Variants in CAMKMT observed in about 807,000 individuals in gnomAD.
The protein encoded by CAMKMT is CaM KMT.
In CAMKMT, 53 loss-of-function variants were observed where a neutral mutation model predicts 48.0. The ratio of observed to expected loss-of-function variants is 1.10; its 90% CI spans 0.89 to 1.39. The LOEUF (loss-of-function observed/expected upper bound fraction) is 1.39, where lower values mean the gene tolerates loss of function less well. Ranked by LOEUF, CAMKMT falls within the 40% of genes most tolerant of loss-of-function variation. The pLI, the probability that CAMKMT is intolerant of heterozygous loss-of-function variation, is 0.00. For missense variants in CAMKMT, 428 were observed against 402.7 expected (o/e 1.06, Z -0.54); for synonymous variants, 165 against 152.3 (o/e 1.08, Z -0.61).
At chr2:44,721,045 C>T (rs60840619) in intron 7 of CAMKMT, among the ~76,000 whole-genome samples, 16,466 of 152,042 alleles carry the variant, frequency 0.11, 948 homozygotes, top group South Asian at 0.15. Flanking sequence ...GAATATTTTG[C>T]AGGTTTATCC....
At chr2:44,364,409 C>G (rs142516371) in intron 1 of CAMKMT, among the ~76,000 whole-genome samples, 2 of 152,148 alleles carry the variant, frequency 1.3e-5, no homozygotes, top group Non-Finnish European at 2.9e-5. Flanking sequence ...CTAAGTTAGA[C>G]CCTCAGCCAA....
chr2:44,462,334 A>G lies in CAMKMT; in HGVS notation c.376+72029A>G, dbSNP rs191076503. On this transcript the variant is annotated intron_variant, in intron 3 of 10. Transcript: ENST00000378494. ...GGTAATCATCCTTTCAGATAACTCT[A>G]TGTATACATAGACACTTACACATGA... 1.1e-3 allele frequency among the ~76,000 whole-genome samples: 175 copies of G among 152,240 alleles called. 1 individual carries two copies. Among genetic ancestry groups the G allele is most frequent in the African/African-American group, 4.0e-3 (167 of 41,564 alleles).
At chr2:44,438,825 G>C (rs1666452166) in intron 3 of CAMKMT, among the ~76,000 whole-genome samples, 2 of 152,098 alleles carry the variant, frequency 1.3e-5, no homozygotes, top group Admixed American at 6.6e-5. Flanking sequence ...AGCCTCTTGA[G>C]TACCAGGTGT....
Position 44,694,909 on chromosome 2 carries a change from C to A in CAMKMT, c.377-9374C>A, listed in dbSNP as rs1049930058. ...GGCCCAAAGGATGAAGGAGGCCTTT[C>A]CTCCTATGAAATAAACTCATTTGAT... is the stretch of plus-strand genomic sequence containing the variant. On this transcript the variant is annotated intron_variant, in intron 3 of 10. Coordinates refer to ENST00000378494, the MANE Select transcript of CAMKMT (RefSeq NM_024766.5). Among the ~76,000 whole-genome samples, 7 of 152,310 alleles carry A rather than the reference C, an allele frequency of 4.6e-5. No individual in the cohort carries two copies. The South Asian group carries it at 1.2e-3, about 27-fold the overall frequency.
intron 3 of CAMKMT, among the ~76,000 whole-genome samples, chr2:44,588,225 G>A (rs1275800023): frequency 8.6e-6 from 1 of 116,820 alleles, no homozygotes; most frequent in African/African-American, 3.3e-5. Flanking sequence ...TGAGAAGTGA[G>A]GAGCCCCTCC....
intron 3 of CAMKMT, among the ~76,000 whole-genome samples, chr2:44,599,395 C>T (rs1670852814): frequency 6.6e-6 from 1 of 152,088 alleles, no homozygotes; most frequent in Non-Finnish European, 1.5e-5. Flanking sequence ...CAACCTCTGT[C>T]AACATTTTAT....
chr2:44,374,483 TGC>T (rs1475786920), intron 2 of CAMKMT, among the ~76,000 whole-genome samples: 4 of 152,234 alleles, frequency 2.6e-5, no homozygotes, highest in African/African-American at 4.8e-5. Context: ...ACTTATCTTC[TGC>T]ATCCACTGGT....
chr2:44,597,882 A>T (rs867597461), intron 3 of CAMKMT, among the ~76,000 whole-genome samples: 1 of 151,998 alleles, frequency 6.6e-6, no homozygotes, highest in African/African-American at 2.4e-5. Flanking sequence ...GATTACAGGC[A>T]TGCACCACCA....
In CAMKMT at chr2:44,458,042, C is replaced by CTT. The variant is rs541348745; in HGVS notation, c.376+67760_376+67761dup. Among the ~76,000 whole-genome samples the CTT allele has an allele frequency of 1.7e-3, 125 of 75,396 alleles. 3 individuals are homozygous for CTT. The highest frequency in any genetic ancestry group is 3.7e-3 in the African/African-American group (67 of 17,972). 49.5% of individuals were successfully genotyped at this position (75,396 alleles called of 152,430 possible). ...GCATTAGGACTTTGTAGCTTTGTGA[C>CTT]TTTTTTTTTTTTTTTTTTTTTTTTG... On this transcript the variant is annotated intron_variant, in intron 3 of 10. Coordinates refer to ENST00000378494, the MANE Select transcript of CAMKMT (RefSeq NM_024766.5).
intron 7 of CAMKMT, among the ~76,000 whole-genome samples, chr2:44,731,486 C>T (rs535581792): frequency 1.3e-5 from 2 of 152,134 alleles, no homozygotes; most frequent in African/African-American, 2.4e-5. Context: ...GTGATCACTG[C>T]AATGAAATAC....
At position 44,489,312 on chromosome 2, in the gene CAMKMT, C is replaced by G. The variant is rs527717809; in HGVS notation, c.376+99007C>G. On this transcript the variant is annotated intron_variant, in intron 3 of 10. Transcript: ENST00000378494. ...CCAGGCTGGAGTGCAATGGCGCAATCTTGGCTCACTGCAATCTCTGCCTCC... is the reference window on the plus strand; with the variant it reads ...CCAGGCTGGAGTGCAATGGCGCAATGTTGGCTCACTGCAATCTCTGCCTCC... 1.2e-3 allele frequency among the ~76,000 whole-genome samples: 165 copies of G among 137,852 alleles called. 1 individual carries two copies. Among genetic ancestry groups the G allele is most frequent in the African/African-American group, 4.2e-3 (151 of 36,256 alleles). 90.4% of individuals were successfully genotyped at this position (137,852 alleles called of 152,430 possible).
rs556021376 is a variant in CAMKMT, at chr2:44,732,465, TC to T, written c.624-11155del. Among the ~76,000 whole-genome samples the T allele has an allele frequency of 1.2e-4, 19 of 152,388 alleles. No individual in the cohort carries two copies. The South Asian group carries it at 3.9e-3, about 32-fold the overall frequency. On this transcript the variant is annotated intron_variant, in intron 7 of 10. Coordinates refer to ENST00000378494, the MANE Select transcript of CAMKMT (RefSeq NM_024766.5). ...CATGATTTGATGTCTGGTAGAACCA[TC>T]CTTTACATGTCTTCGCACATGAATG...
rs554107317 is a variant in CAMKMT at position 44,747,215 on chromosome 2, G to T, written c.698+3519G>T. Among the ~76,000 whole-genome samples the T allele has an allele frequency of 5.9e-5, 9 of 152,154 alleles. No homozygotes were observed. The South Asian group carries it at 1.9e-3, about 32-fold the overall frequency. ...TTGCACTTGCTATATACTCTAAATT[G>T]TTTCTTTTTTTTAGTCCTTTTTACT... On this transcript the variant is annotated intron_variant, in intron 8 of 10. Transcript: ENST00000378494.
At chr2:44,549,697 A>G in intron 3 of CAMKMT, 1 of 539,128 alleles carries the variant, frequency 1.9e-6, no homozygotes, top group Non-Finnish European at 3.3e-6. Context: ...TATTGGCTTA[A>G]GGATTAAGGA....
Position 44,614,428 on chromosome 2 carries a change from C to G in CAMKMT, c.377-89855C>G, listed in dbSNP as rs527510730. Among the ~76,000 whole-genome samples, 8 of 152,276 alleles carry G rather than the reference C, an allele frequency of 5.3e-5. No individual in the cohort carries two copies. The South Asian group carries it at 1.7e-3, about 32-fold the overall frequency. ...GCATTCTTCATATTTGTCGAAGGCACATATTTATTGAATGTGCCTGTTTTC... is the reference window on the plus strand; with the variant it reads ...GCATTCTTCATATTTGTCGAAGGCAGATATTTATTGAATGTGCCTGTTTTC... On this transcript the variant is annotated intron_variant, in intron 3 of 10. Coordinates refer to ENST00000378494, the MANE Select transcript of CAMKMT (RefSeq NM_024766.5).
intron 3 of CAMKMT, among the ~76,000 whole-genome samples, chr2:44,573,896 C>T (rs1435098330): frequency 2.0e-5 from 3 of 152,104 alleles, no homozygotes; most frequent in Non-Finnish European, 2.9e-5. Flanking sequence ...TCTGAATACT[C>T]TATTATGTCT....
At chr2:44,614,669 C>T (rs919321928) in intron 3 of CAMKMT, among the ~76,000 whole-genome samples, 3 of 152,056 alleles carry the variant, frequency 2.0e-5, no homozygotes, top group South Asian at 2.1e-4. Context: ...ATTTTAAATA[C>T]AGAGGTCAAG....
chr2:44,456,608 G>C (rs1306363161), intron 3 of CAMKMT: 2 of 1,549,152 alleles, frequency 1.3e-6, no homozygotes, highest in Non-Finnish European at 8.7e-7. Flanking sequence ...ACCATCAGTA[G>C]TAACTCTTCC....
intron 3 of CAMKMT, among the ~76,000 whole-genome samples, chr2:44,676,069 C>T (rs1326251632): frequency 6.6e-6 from 1 of 152,168 alleles, no homozygotes; most frequent in Non-Finnish European, 1.5e-5. Context: ...TTTATCCACC[C>T]AACTTTCAAT....
Sources: gnomAD v4.1 joint callset for allele counts (sites outside exome capture counted in the v4.1 genomes callset) on GRCh38, gnomAD v4.1.1 for gene constraint, MANE v1.5 for transcripts, NCBI Gene and HGNC (gene_info 2026-07-23, HGNC 2026-07-21) for gene names.